CD6: variants seen among roughly 807,000 people sequenced by gnomAD.
CD6 encodes T-cell differentiation antigen CD6.
CD6 carries 53 observed loss-of-function variants against 75.3 expected under a neutral mutation model. The observed-to-expected ratio is 0.70, with a 90% CI of 0.56 to 0.88. The LOEUF (loss-of-function observed/expected upper bound fraction) is 0.88, where lower values mean the gene tolerates loss of function less well. CD6 is among the 40% of genes least tolerant of loss of function. The pLI is 0.00. For missense variants in CD6, 770 were observed against 897.1 expected (o/e 0.86, Z 1.81); for synonymous variants, 359 against 381.5 (o/e 0.94, Z 0.69).
intron 1 of CD6, among the ~76,000 whole-genome samples, chr11:60,995,446 G>A (rs752180885): frequency 1.3e-4 from 20 of 152,048 alleles, no homozygotes; most frequent in Admixed American, 2.6e-4. Context: ...GGCCCAGCCC[G>A]CATCTTTCTA....
intron 9 of CD6, 84 bp from the exon 10 acceptor site, chr11:61,017,395 C>A: frequency 9.3e-7 from 1 of 1,079,838 alleles, no homozygotes; most frequent in Non-Finnish European, 1.4e-6. Flanking sequence ...CCTACCCAGG[C>A]CCCGGGAAAT....
intron 1 of CD6, among the ~76,000 whole-genome samples, chr11:60,988,874 C>G (rs1479180849): frequency 6.6e-6 from 1 of 152,212 alleles, no homozygotes; most frequent in Non-Finnish European, 1.5e-5. Flanking sequence ...GGCAGGCCCC[C>G]TGGAAAATCG....
rs61349237 is a variant in CD6, at chr11:60,994,457, CAAA to C, written c.50-12105_50-12103del. Among the ~76,000 whole-genome samples, 3 of 52,966 alleles carry C rather than the reference CAAA, an allele frequency of 5.7e-5. No individual in the cohort carries two copies. In the South Asian group the frequency reaches 3.3e-3, roughly 59 times the overall value. The allele number at this position is 52,966 out of a possible 152,430, so 34.7% of individuals were successfully genotyped here. A position where few individuals can be genotyped will look rare whatever the true frequency, so the allele number is the denominator to read the frequency against. ...CTCATCCCCTCCCCAACACCCCCGC[CAAA>C]AAAAAAAAAAAGCTGAATTTCTTTG... On this transcript the variant is annotated intron_variant, in intron 1 of 12. Transcript: ENST00000313421.
chr11:61,018,437 G>C (rs1338986436), intron 12 of CD6, 44 bp downstream of exon 12: 1 of 1,412,178 alleles, frequency 7.1e-7, no homozygotes, highest in South Asian at 1.2e-5. Flanking sequence ...GACAGAGAGG[G>C]ACTGGGGAGT....
intron 8 of CD6, 66 bp downstream of exon 8, chr11:61,014,080 G>A: frequency 4.2e-6 from 5 of 1,203,868 alleles, no homozygotes; most frequent in Non-Finnish European, 3.6e-6. Context: ...CTTTCTGGAA[G>A]GTCAGCACCA....
intron 5 of CD6, among the ~76,000 whole-genome samples, chr11:61,010,547 C>T (rs1008851842): frequency 6.6e-5 from 10 of 152,176 alleles, no homozygotes; most frequent in African/African-American, 2.2e-4. Flanking sequence ...ATTACAAATT[C>T]CAGCTCTGCC....
At chr11:61,013,200 C>G (rs932807624) in intron 6 of CD6, among the ~76,000 whole-genome samples, 2 of 152,226 alleles carry the variant, frequency 1.3e-5, no homozygotes, top group Admixed American at 6.5e-5. Context: ...AGTTCTATTT[C>G]AGGCAGTAAT....
chr11:60,994,107 T>A (rs1279767977), intron 1 of CD6, among the ~76,000 whole-genome samples: 7 of 152,100 alleles, frequency 4.6e-5, no homozygotes, highest in Non-Finnish European at 5.9e-5. Flanking sequence ...CAGGTGAACA[T>A]CATCTGTCCT....
intron 1 of CD6, among the ~76,000 whole-genome samples, chr11:60,991,304 C>G (rs1179505517): frequency 6.6e-6 from 1 of 151,544 alleles, no homozygotes; most frequent in African/African-American, 2.4e-5. Flanking sequence ...GCATGCGCCA[C>G]CATGCCTGGC....
At chr11:60,981,235 C>G (rs187875034) in intron 1 of CD6, among the ~76,000 whole-genome samples, 101 of 152,326 alleles carry the variant, frequency 6.6e-4, no homozygotes, top group Admixed American at 1.8e-3. Context: ...TTTAATACTT[C>G]CATTTTACTG....
intron 1 of CD6, among the ~76,000 whole-genome samples, chr11:60,990,161 C>T (rs7125778): frequency 0.19 from 28,897 of 152,056 alleles, 4,712 homozygotes; most frequent in African/African-American, 0.45. Flanking sequence ...TAGAATCTTC[C>T]AGACATTTCG....
rs1168682235 is a variant in CD6 at position 61,019,325 on chromosome 11, G to A, written c.*7G>A. On this transcript the variant is annotated 3_prime_UTR_variant, in exon 13 of 13. Transcript: ENST00000313421. Reference sequence around the variant, plus strand: ...TGACATCAGCGCAGCCTAGGCCGGGGCCAGCCGAGGCTCCTGGGGTGGCTC... The same window carrying A: ...TGACATCAGCGCAGCCTAGGCCGGGACCAGCCGAGGCTCCTGGGGTGGCTC... 6.2e-7 allele frequency: 1 copy of A among 1,604,590 alleles called. No individual in the cohort carries two copies. The highest frequency in any genetic ancestry group is 1.7e-5 in the Admixed American group (1 of 59,944).
intron 1 of CD6, among the ~76,000 whole-genome samples, chr11:60,996,672 A>G (rs1322732416): frequency 6.6e-6 from 1 of 152,130 alleles, no homozygotes; most frequent in Non-Finnish European, 1.5e-5. Context: ...AGGTTCGGGG[A>G]CACTAGTCAC....
chr11:61,008,446 T>G lies in CD6; in HGVS notation c.470-88T>G, dbSNP rs2135167244. ...CCCTCTCACTGGGTCCACAACACGCTCACAACTCTCCGGCCAGTCCAACCA... is the reference window on the plus strand; with the variant it reads ...CCCTCTCACTGGGTCCACAACACGCGCACAACTCTCCGGCCAGTCCAACCA... On this transcript the variant is annotated intron_variant, in intron 3 of 12. Coordinates refer to ENST00000313421, the MANE Select transcript of CD6 (RefSeq NM_006725.5). 5 of 1,303,740 alleles carry G rather than the reference T, an allele frequency of 3.8e-6. No individual in the cohort carries two copies. In the East Asian group the frequency reaches 1.3e-4, roughly 33 times the overall value. 80.8% of individuals were successfully genotyped at this position (1,303,740 alleles called of 1,614,324 possible). A position where few individuals can be genotyped will look rare whatever the true frequency, so the allele number is the denominator to read the frequency against.
intron 1 of CD6, among the ~76,000 whole-genome samples, chr11:61,000,566 G>C (rs573988130): frequency 1.3e-5 from 2 of 152,188 alleles, no homozygotes. Flanking sequence ...CACTGGGCAC[G>C]GCCAGGGCGG....
At chr11:60,991,841 T>C (rs1858077041) in intron 1 of CD6, among the ~76,000 whole-genome samples, 1 of 149,496 alleles carries the variant, frequency 6.7e-6, no homozygotes, top group Admixed American at 6.7e-5. Flanking sequence ...TACTTATTTA[T>C]TTATTCATAT....
chr11:60,979,489 C>T (rs1181123184), intron 1 of CD6, among the ~76,000 whole-genome samples: 9 of 150,114 alleles, frequency 6.0e-5, no homozygotes, highest in Non-Finnish European at 1.2e-4. Context: ...CTTTTTGAGA[C>T]GGAGTCTCAG....
intron 1 of CD6, among the ~76,000 whole-genome samples, chr11:60,994,157 C>T (rs1473861852): frequency 6.6e-6 from 1 of 152,092 alleles, no homozygotes; most frequent in African/African-American, 2.4e-5. Context: ...GGCTGAATTT[C>T]TGGCCGGGCG....
intron 7 of CD6, 33 bp downstream of exon 7, chr11:61,013,596 C>T: frequency 6.2e-7 from 1 of 1,609,734 alleles, no homozygotes; most frequent in Non-Finnish European, 8.5e-7. Context: ...CATGGCCATC[C>T]CAGGGGGATG....
Sources: gnomAD v4.1 joint callset for allele counts (sites outside exome capture counted in the v4.1 genomes callset) on GRCh38, gnomAD v4.1.1 for gene constraint, MANE v1.5 for transcripts, NCBI Gene and HGNC (gene_info 2026-07-23, HGNC 2026-07-21) for gene names.